The following NEMP2 variants were observed in gnomAD, a reference collection of about 807,000 sequenced individuals.
NEMP2 encodes the protein nuclear envelope integral membrane protein 2.
A neutral mutation model predicts 54.2 loss-of-function variants in NEMP2; 53 were observed. The observed-to-expected ratio is 0.98, with a 90% CI of 0.78 to 1.23. NEMP2 has a LOEUF of 1.23. NEMP2 is among the 50% of genes most tolerant of loss of function. The pLI is 0.00. For synonymous variants in NEMP2, 197 were observed against 190.3 expected (o/e 1.04, Z -0.29); for missense variants, 455 against 511.3 (o/e 0.89, Z 1.06).
the NEMP2 span, among the ~76,000 whole-genome samples, chr2:190,590,223 C>T: frequency 7.9e-5 from 12 of 152,200 alleles, no homozygotes; most frequent in Admixed American, 6.5e-5. The surrounding 1 kb of genome is among the most constrained non-coding windows in gnomAD (Gnocchi z 5.1). Context: ...TTTTGATTCC[C>T]TCTCACGACA....
the NEMP2 span, among the ~76,000 whole-genome samples, chr2:190,599,330 G>GA: frequency 6.6e-6 from 1 of 152,084 alleles, no homozygotes; most frequent in African/African-American, 2.4e-5. Context: ...TCAAGTAGAT[G>GA]AAAAAAAGCT....
chr2:190,526,652 G>T (rs1690947327), intron 1 of NEMP2, among the ~76,000 whole-genome samples: 3 of 152,148 alleles, frequency 2.0e-5, no homozygotes, highest in Admixed American at 6.5e-5. Flanking sequence ...ATGATGTAAA[G>T]GTTTCTGATA....
chr2:190,436,997 G>A, the NEMP2 span: 4 of 1,614,198 alleles, frequency 2.5e-6, no homozygotes, highest in Admixed American at 1.7e-5. This position sits in a 1 kb window ranked among gnomAD's most constrained non-coding sequence, Gnocchi z 5.3. Flanking sequence ...CACAGAGATC[G>A]CTATGGGTTG....
the NEMP2 span, among the ~76,000 whole-genome samples, chr2:190,457,394 C>T: frequency 6.6e-6 from 1 of 152,190 alleles, no homozygotes; most frequent in East Asian, 1.9e-4. The surrounding 1 kb of genome is among the most constrained non-coding windows in gnomAD (Gnocchi z 5.1). Context: ...TAGCAGACCC[C>T]ACTTCTTCCT....
the NEMP2 span, among the ~76,000 whole-genome samples, chr2:190,483,835 CAAAAAA>C: frequency 1.5e-4 from 13 of 86,660 alleles, no homozygotes; most frequent in East Asian, 8.9e-4. Flanking sequence ...AACTCATTTT[CAAAAAA>C]AAAAAAAAAA....
At position 190,514,541 on chromosome 2, in the gene NEMP2, C is replaced by A; in HGVS notation, c.865G>T (p.Val289Leu). 4 of 1,551,692 alleles carry A rather than the reference C, an allele frequency of 2.6e-6. No individual in the cohort carries two copies. The highest frequency in any genetic ancestry group is 3.5e-6 in the Non-Finnish European group (4 of 1,146,994). The part of the protein sequence containing the change: ...SLVLVYAGVA[V>L]PQFAYAAIIL... Reference sequence around the variant, plus strand: ...ATGGCTGCATAGGCAAACTGAGGCACGGCCACACCAGCATAGACCAGAACC... The same window carrying A: ...ATGGCTGCATAGGCAAACTGAGGCAAGGCCACACCAGCATAGACCAGAACC... Residue 289 changes from valine to leucine, a missense_variant, in exon 7 of 9, where the codon GTG (valine) becomes TTG (leucine). Around this residue, in one of 3 missense-constraint regions of NEMP2, gnomAD observed 294 missense variants for 333.6 expected, o/e 0.88. Transcript: ENST00000409150. The surrounding 1 kb of genome is among the most constrained non-coding windows in gnomAD (Gnocchi z 5.7).
the NEMP2 span, among the ~76,000 whole-genome samples, chr2:190,450,046 G>T: frequency 1.3e-5 from 2 of 151,858 alleles, no homozygotes; most frequent in Non-Finnish European, 2.9e-5. Flanking sequence ...AAAAGAAAAA[G>T]AAATCAAGAT....
the NEMP2 span, among the ~76,000 whole-genome samples, chr2:190,468,912 A>C: frequency 6.6e-6 from 1 of 152,202 alleles, no homozygotes; most frequent in Non-Finnish European, 1.5e-5. Flanking sequence ...ACAAGGGAGA[A>C]AGATAAATCC....
chr2:190,442,233 T>C, the NEMP2 span, among the ~76,000 whole-genome samples: 1 of 152,220 alleles, frequency 6.6e-6, no homozygotes, highest in Admixed American at 6.5e-5. Flanking sequence ...TATTCTATAT[T>C]ACTTAAAAAT....
rs911650348 is a variant in NEMP2, at chr2:190,523,420, A to G, written c.213+1843T>C. Among the ~76,000 whole-genome samples, 1 of 152,234 alleles carries G rather than the reference A, an allele frequency of 6.6e-6. No homozygotes were observed. Among genetic ancestry groups the G allele is most frequent in the African/African-American group, 2.4e-5 (1 of 41,458 alleles). On this transcript the variant is annotated intron_variant, in intron 2 of 8. Transcript: ENST00000409150. The surrounding 1 kb of genome is among the most constrained non-coding windows in gnomAD (Gnocchi z 5.3). ...AATGGGAACTAAGTTTCTCATTATC[A>G]GAGAAGGGAATTACAAATACGAAAA...
chr2:190,587,495 T>G, the NEMP2 span, among the ~76,000 whole-genome samples: 1 of 152,172 alleles, frequency 6.6e-6, no homozygotes, highest in African/African-American at 2.4e-5. This position sits in a 1 kb window ranked among gnomAD's most constrained non-coding sequence, Gnocchi z 5.4. Flanking sequence ...CATGAAACTA[T>G]GGCAGGCTAA....
Position 190,522,889 on chromosome 2 carries a change from T to C in NEMP2, c.213+2374A>G, listed in dbSNP as rs1690799972. 1.3e-5 allele frequency among the ~76,000 whole-genome samples: 2 copies of C among 152,186 alleles called. No homozygotes were observed. Among genetic ancestry groups the C allele is most frequent in the Non-Finnish European group, 1.5e-5 (1 of 68,034 alleles). On this transcript the variant is annotated intron_variant, in intron 2 of 8. Coordinates refer to ENST00000409150, the MANE Select transcript of NEMP2 (RefSeq NM_001142645.2). The surrounding 1 kb of genome is among the most constrained non-coding windows in gnomAD (Gnocchi z 5.0). Reference sequence around the variant, plus strand: ...CCTCTCTGCTTCAAGTTGTCCCACCTTTCTGGACCTAACTAATGTATACCT... The same window carrying C: ...CCTCTCTGCTTCAAGTTGTCCCACCCTTCTGGACCTAACTAATGTATACCT...
chr2:190,633,790 G>A, the NEMP2 span, among the ~76,000 whole-genome samples: 3 of 152,128 alleles, frequency 2.0e-5, no homozygotes, highest in Non-Finnish European at 2.9e-5. Flanking sequence ...AAATGATAAG[G>A]CCAGGTACTG....
chr2:190,592,736 G>A, the NEMP2 span, among the ~76,000 whole-genome samples: 1 of 152,044 alleles, frequency 6.6e-6, no homozygotes, highest in African/African-American at 2.4e-5. This position sits in a 1 kb window ranked among gnomAD's most constrained non-coding sequence, Gnocchi z 4.4. Flanking sequence ...TCAGTATACT[G>A]CAACCAGATG....
the NEMP2 span, among the ~76,000 whole-genome samples, chr2:190,622,881 A>G: frequency 6.6e-6 from 1 of 152,188 alleles, no homozygotes; most frequent in East Asian, 1.9e-4. Flanking sequence ...ATCCAAATTA[A>G]AAATAAAGAT....
chr2:190,629,792 T>C, the NEMP2 span: 5 of 152,240 alleles, frequency 3.3e-5, no homozygotes, highest in East Asian at 3.8e-4. Context: ...AATTCTCCAC[T>C]TGATGCGTGT....
chr2:190,436,486 A>G, the NEMP2 span: 1 of 1,614,088 alleles, frequency 6.2e-7, no homozygotes, highest in Non-Finnish European at 8.5e-7. The surrounding 1 kb of genome is among the most constrained non-coding windows in gnomAD (Gnocchi z 5.3). Flanking sequence ...TGGATTTGTC[A>G]AACCTGCTAC....
the NEMP2 span, among the ~76,000 whole-genome samples, chr2:190,543,938 A>T: frequency 6.6e-6 from 1 of 152,240 alleles, no homozygotes; most frequent in Non-Finnish European, 1.5e-5. The surrounding 1 kb of genome is among the most constrained non-coding windows in gnomAD (Gnocchi z 4.7). Context: ...AGTAAAATTC[A>T]GCTCATGTGA....
the NEMP2 span, chr2:190,498,031 T>C: frequency 4.5e-6 from 1 of 219,850 alleles, no homozygotes; most frequent in Non-Finnish European, 9.1e-6. This position sits in a 1 kb window ranked among gnomAD's most constrained non-coding sequence, Gnocchi z 5.9. Context: ...TCAGTATTGA[T>C]GGTTGTCTCT....
Sources: gnomAD v4.1 joint callset for allele counts (sites outside exome capture counted in the v4.1 genomes callset) on GRCh38, gnomAD v4.1.1 for gene constraint, gnomAD v4.1.1 regional missense constraint, Gnocchi (gnomAD v3.1) non-coding constraint, MANE v1.5 for transcripts, NCBI Gene and HGNC (gene_info 2026-07-23, HGNC 2026-07-21) for gene names.